The following MGAT3 variants were observed in gnomAD, a reference collection of about 807,000 sequenced individuals.
MGAT3 encodes beta-1,4-mannosyl-glycoprotein 4-beta-N-acetylglucosaminyltransferase, also known as GlcNAc-T III.
A neutral mutation model predicts 29.8 loss-of-function variants in MGAT3; 9 were observed. That is an observed-to-expected ratio of 0.30 (90% CI 0.18 to 0.53). The LOEUF (loss-of-function observed/expected upper bound fraction) is 0.53. Among genes scored for constraint, MGAT3 ranks in the 20% least tolerant of loss-of-function variants. The pLI is 0.96. For missense variants in MGAT3, 557 were observed against 769.5 expected (o/e 0.72, Z 3.27); for synonymous variants, 397 against 348.9 (o/e 1.14, Z -1.54).
rs61429815 is a variant in MGAT3 at position 39,463,082 on chromosome 22, CTGG to C, written c.-2+5532_-2+5534del. ...GGTTCTGGGACTCTGGCTGGCAGGCCTGGTGGTGGATGGCTCCCATGGTTGTCC... is the reference window on the plus strand; with the variant it reads ...GGTTCTGGGACTCTGGCTGGCAGGCCTGGTGGATGGCTCCCATGGTTGTCC... On this transcript the variant is annotated intron_variant, in intron 1 of 1. Transcript: ENST00000341184. Among the ~76,000 whole-genome samples, 15 of 152,320 alleles carry C rather than the reference CTGG, an allele frequency of 9.8e-5. No individual in the cohort carries two copies. The East Asian group carries it at 2.5e-3, about 26-fold the overall frequency.
At chr22:39,473,065 T>G (rs1928856135) in intron 1 of MGAT3, among the ~76,000 whole-genome samples, 1 of 152,120 alleles carries the variant, frequency 6.6e-6, no homozygotes, top group Admixed American at 6.5e-5. Flanking sequence ...CTCTGTGAAA[T>G]AGCAGTGGGA....
At chr22:39,465,557 A>G (rs1380222452) in intron 1 of MGAT3, among the ~76,000 whole-genome samples, 2 of 152,230 alleles carry the variant, frequency 1.3e-5, no homozygotes, top group African/African-American at 2.4e-5. Flanking sequence ...TACTGCAGAC[A>G]CTAGACACGA....
At position 39,488,108 on chromosome 22, in the gene MGAT3, G is replaced by A. The variant is rs746759710; in HGVS notation, c.761G>A (p.Arg254Gln). Residue 254 changes from arginine to glutamine, a missense_variant, in exon 2 of 2, where the codon CGG becomes CAG. Arg to Gln is a conservative substitution (Grantham distance 43). Around this residue, in one of 3 missense-constraint regions of MGAT3, gnomAD observed 243 missense variants for 444.0 expected, o/e 0.55. Coordinates refer to ENST00000341184, the MANE Select transcript of MGAT3 (RefSeq NM_002409.5). Reference sequence around the variant, plus strand: ...GGGGAGCCGCGGCCGCTCAAGTTCCGGGAGATGCTGACCAATGGCACCTTC... The same window carrying A: ...GGGGAGCCGCGGCCGCTCAAGTTCCAGGAGATGCTGACCAATGGCACCTTC... ...AYGEPRPLKF[R>Q]EMLTNGTFEY... The A allele has an allele frequency of 5.6e-6, 9 of 1,612,626 alleles. No individual in the cohort carries two copies. The highest frequency in any genetic ancestry group is 1.1e-5 in the South Asian group (1 of 91,072).
chr22:39,484,896 G>C (rs553410894), intron 1 of MGAT3, among the ~76,000 whole-genome samples: 294 of 152,254 alleles, frequency 1.9e-3, no homozygotes, highest in Non-Finnish European at 3.2e-3. Flanking sequence ...CCAGCTACTT[G>C]GGAGGCTGAG....
At chr22:39,465,536 C>T (rs1375164058) in intron 1 of MGAT3, among the ~76,000 whole-genome samples, 1 of 152,198 alleles carries the variant, frequency 6.6e-6, no homozygotes, top group Non-Finnish European at 1.5e-5. Context: ...CCTCACCCGT[C>T]AGGCAGGCTC....
At chr22:39,460,018 G>T (rs952654515) in intron 1 of MGAT3, among the ~76,000 whole-genome samples, 1 of 152,242 alleles carries the variant, frequency 6.6e-6, no homozygotes, top group Non-Finnish European at 1.5e-5. Flanking sequence ...ATTCTGGGAA[G>T]ACTACATAAG....
chr22:39,459,340 C>G, intron 1 of MGAT3, among the ~76,000 whole-genome samples: 1 of 152,192 alleles, frequency 6.6e-6, no homozygotes, highest in Non-Finnish European at 1.5e-5. Flanking sequence ...TCCTAAAGTG[C>G]TGGGATTACA....
In MGAT3 at chr22:39,488,038, G is replaced by A. The variant is rs765400998; in HGVS notation, c.691G>A (p.Val231Met). ...CGTGCGCTTCCACGAGCTGGGCGACGTGGTGGACGCCTTTGTGGTGTGCGA... is the reference window on the plus strand; with the variant it reads ...CGTGCGCTTCCACGAGCTGGGCGACATGGTGGACGCCTTTGTGGTGTGCGA... Reference protein sequence around the residue: ...LDVRFHELGDVVDAFVVCESN... With the variant: ...LDVRFHELGDMVDAFVVCESN... Residue 231 changes from valine to methionine, a missense_variant, in exon 2 of 2, where the codon GTG becomes ATG. Physicochemically the swap from Val to Met is conservative, Grantham distance 21. Transcript: ENST00000341184. The A allele has an allele frequency of 6.2e-7, 1 of 1,613,286 alleles. No individual in the cohort carries two copies. The highest frequency in any genetic ancestry group is 8.5e-7 in the Non-Finnish European group (1 of 1,179,840).
In MGAT3 at chr22:39,487,237, C is replaced by A; in HGVS notation, c.-1-110C>A. On this transcript the variant is annotated intron_variant, in intron 1 of 1. Transcript: ENST00000341184. The surrounding 1 kb of genome is among the most constrained non-coding windows in gnomAD (Gnocchi z 5.7). ...TCACTCCATGCAGGGGCAGCAGGTG[C>A]TGGCCACCACATTGTCCAGCAAGGT... 1 of 1,171,288 alleles carries A rather than the reference C, an allele frequency of 8.5e-7. No homozygotes were observed. The highest frequency in any genetic ancestry group is 1.2e-6 in the Non-Finnish European group (1 of 830,386). 72.6% of individuals were successfully genotyped at this position (1,171,288 alleles called of 1,614,324 possible).
intron 1 of MGAT3, among the ~76,000 whole-genome samples, chr22:39,483,147 C>T (rs1929175326): frequency 6.6e-6 from 1 of 152,206 alleles, no homozygotes; most frequent in South Asian, 2.1e-4. Flanking sequence ...ATAGCTTACA[C>T]CAGTTGTGTA....
intron 1 of MGAT3, among the ~76,000 whole-genome samples, chr22:39,471,994 G>A (rs1434627652): frequency 6.6e-6 from 1 of 152,154 alleles, no homozygotes; most frequent in Non-Finnish European, 1.5e-5. Flanking sequence ...ATTGGAGGGT[G>A]GGGCTTTTTG....
chr22:39,484,947 G>T (rs925350738), intron 1 of MGAT3, among the ~76,000 whole-genome samples: 1 of 152,080 alleles, frequency 6.6e-6, no homozygotes, highest in Non-Finnish European at 1.5e-5. Flanking sequence ...AAGTTGCAGC[G>T]AGCCAGGATC....
chr22:39,463,660 C>G (rs1928557395), intron 1 of MGAT3, among the ~76,000 whole-genome samples: 1 of 152,002 alleles, frequency 6.6e-6, no homozygotes, highest in African/African-American at 2.4e-5. Flanking sequence ...CAAAGTAATC[C>G]TAGTACTTTG....
In MGAT3 at chr22:39,489,429, G is replaced by C. The variant is rs958728116; in HGVS notation, c.*480G>C. 9 of 188,770 alleles carry C rather than the reference G, an allele frequency of 4.8e-5. No homozygotes were observed. The highest frequency in any genetic ancestry group is 7.4e-5 in the Non-Finnish European group (6 of 81,064). 11.7% of individuals were successfully genotyped at this position (188,770 alleles called of 1,614,324 possible). On this transcript the variant is annotated 3_prime_UTR_variant, in exon 2 of 2. Coordinates refer to ENST00000341184, the MANE Select transcript of MGAT3 (RefSeq NM_002409.5). ...TGTAAGTAGATGCATTTGGGTCCAG[G>C]AGGAAGCGTGGACACCTCGTAGGGA...
intron 1 of MGAT3, among the ~76,000 whole-genome samples, chr22:39,460,549 A>G (rs1419608439): frequency 1.3e-5 from 2 of 152,110 alleles, no homozygotes; most frequent in South Asian, 2.1e-4. Flanking sequence ...TGTAATCCCA[A>G]CAGTTTGGGA....
At chr22:39,469,633 CG>C (rs1928752005) in intron 1 of MGAT3, among the ~76,000 whole-genome samples, 1 of 152,238 alleles carries the variant, frequency 6.6e-6, no homozygotes, top group Non-Finnish European at 1.5e-5. Context: ...CACTGCCACC[CG>C]GGGCACAATG....
rs925514396 is a variant in MGAT3, at chr22:39,487,241, C to T, written c.-1-106C>T. The T allele has an allele frequency of 1.6e-6, 2 of 1,214,300 alleles. No individual in the cohort carries two copies. Among genetic ancestry groups the T allele is most frequent in the Non-Finnish European group, 2.3e-6 (2 of 868,378 alleles). 75.2% of individuals were successfully genotyped at this position (1,214,300 alleles called of 1,614,324 possible). On this transcript the variant is annotated intron_variant, in intron 1 of 1. Coordinates refer to ENST00000341184, the MANE Select transcript of MGAT3 (RefSeq NM_002409.5). The surrounding 1 kb of genome is among the most constrained non-coding windows in gnomAD (Gnocchi z 5.7). ...TCCATGCAGGGGCAGCAGGTGCTGG[C>T]CACCACATTGTCCAGCAAGGTGGCA...
At chr22:39,480,573 T>C (rs2145723131) in intron 1 of MGAT3, among the ~76,000 whole-genome samples, 1 of 152,250 alleles carries the variant, frequency 6.6e-6, no homozygotes, top group African/African-American at 2.4e-5. Flanking sequence ...AGGTGAAGCT[T>C]CTAGACAGCA....
chr22:39,474,824 C>T (rs1928906416), intron 1 of MGAT3, among the ~76,000 whole-genome samples: 1 of 152,252 alleles, frequency 6.6e-6, no homozygotes, highest in Non-Finnish European at 1.5e-5. Context: ...GTTTACATCT[C>T]TCCATTCCAG....
Sources: gnomAD v4.1 joint callset for allele counts (sites outside exome capture counted in the v4.1 genomes callset) on GRCh38, gnomAD v4.1.1 for gene constraint, gnomAD v4.1.1 regional missense constraint, Gnocchi (gnomAD v3.1) non-coding constraint, MANE v1.5 for transcripts, NCBI Gene and HGNC (gene_info 2026-07-23, HGNC 2026-07-21) for gene names.